Variants in KCNN3 observed in about 807,000 individuals in gnomAD.
KCNN3 encodes small conductance calcium-activated potassium channel protein 3.
In KCNN3, 16 loss-of-function variants were observed where a neutral mutation model predicts 62.9. That is an observed-to-expected ratio of 0.25 (90% CI 0.17 to 0.39). The LOEUF is 0.39. Among genes scored for constraint, KCNN3 ranks in the 10% least tolerant of loss-of-function variants. The probability of loss-of-function intolerance (pLI) is 1.00; values close to 1 mark genes in which losing one functional copy is unlikely to be tolerated. For synonymous variants in KCNN3, 370 were observed against 389.2 expected (o/e 0.95, Z 0.58); for missense variants, 599 against 949.4 (o/e 0.63, Z 4.85).
chr1:154,741,710 T>TTTA (rs1700824927), intron 3 of KCNN3, among the ~76,000 whole-genome samples: 1 of 145,542 alleles, frequency 6.9e-6, no homozygotes, highest in South Asian at 2.2e-4. Flanking sequence ...ACTAGTTTTG[T>TTTA]AAAAAAAAAA....
At chr1:154,861,777 T>G (rs919408952) in intron 1 of KCNN3, among the ~76,000 whole-genome samples, 3 of 152,222 alleles carry the variant, frequency 2.0e-5, no homozygotes, top group Admixed American at 2.0e-4. Context: ...GGACTGTGGC[T>G]GCTCATCCTC....
chr1:154,753,845 A>G (rs1647505092), intron 3 of KCNN3, among the ~76,000 whole-genome samples: 1 of 152,194 alleles, frequency 6.6e-6, no homozygotes. Flanking sequence ...CCCAAGAAAG[A>G]GGCCCAGGAA....
At chr1:154,720,853 G>T (rs997043189) in intron 5 of KCNN3, among the ~76,000 whole-genome samples, 4 of 152,154 alleles carry the variant, frequency 2.6e-5, no homozygotes, top group Admixed American at 6.5e-5. Flanking sequence ...AGAGTGGCGG[G>T]GCCGAGGCCC....
In KCNN3 at chr1:154,745,872, T is replaced by C. The variant is rs527239918; in HGVS notation, c.1449-12728A>G. Among the ~76,000 whole-genome samples, 4 of 152,280 alleles carry C rather than the reference T, an allele frequency of 2.6e-5. No individual in the cohort carries two copies. In the South Asian group the frequency reaches 8.3e-4, roughly 32 times the overall value. On this transcript the variant is annotated intron_variant, in intron 3 of 7. Coordinates refer to ENST00000271915, the MANE Select transcript of KCNN3 (RefSeq NM_002249.6). ...ATGCTTGGAAGAAGCACTGTTCCCA[T>C]GGGAAGCATGTCTTCCACGGTATCT... is the stretch of plus-strand genomic sequence containing the variant.
At chr1:154,724,779 A>C (rs1700425331) in intron 5 of KCNN3, among the ~76,000 whole-genome samples, 1 of 152,230 alleles carries the variant, frequency 6.6e-6, no homozygotes, top group South Asian at 2.1e-4. Context: ...CATTACCCGG[A>C]AAACCCAAAA....
intron 2 of KCNN3, among the ~76,000 whole-genome samples, chr1:154,807,171 G>A (rs1281202868): frequency 6.6e-6 from 1 of 152,136 alleles, no homozygotes; most frequent in Non-Finnish European, 1.5e-5. Context: ...ACTGAGGCAA[G>A]CAGGAAAGGA....
intron 1 of KCNN3, among the ~76,000 whole-genome samples, chr1:154,866,875 C>A (rs943842424): frequency 6.6e-6 from 1 of 152,182 alleles, no homozygotes; most frequent in Non-Finnish European, 1.5e-5. Flanking sequence ...AGCCCCTTTC[C>A]CTGAGCTCCC....
rs746772658 is a variant in KCNN3 at position 154,869,854 on chromosome 1, TTGCTGCTGC to T, written c.102_110del (p.Gln39_Gln41del). On this transcript the variant is annotated inframe_deletion, in exon 1 of 8. Transcript: ENST00000271915. The surrounding 1 kb of genome is among the most constrained non-coding windows in gnomAD (Gnocchi z 6.1). Reference sequence around the variant, plus strand: ...CTGGCGGTGGTGGCTGCTGCTGCTGTTGCTGCTGCTGCTGCTGCTGCTGCTCATCCCCAG... The same window carrying T: ...CTGGCGGTGGTGGCTGCTGCTGCTGTTGCTGCTGCTGCTGCTCATCCCCAG... 6.6e-3 allele frequency: 10,432 copies of T among 1,583,734 alleles called. 396 individuals carry two copies. The Admixed American group carries it at 0.1, about 16-fold the overall frequency.
chr1:154,789,689 C>T (rs1338818932), intron 2 of KCNN3, among the ~76,000 whole-genome samples: 2 of 152,154 alleles, frequency 1.3e-5, no homozygotes, highest in Non-Finnish European at 2.9e-5. Flanking sequence ...TCAGGACAGG[C>T]AGGGCCTTGG....
intron 3 of KCNN3, among the ~76,000 whole-genome samples, chr1:154,756,833 C>T (rs962868060): frequency 2.0e-5 from 3 of 152,134 alleles, no homozygotes; most frequent in African/African-American, 4.8e-5. Context: ...AGACTGTAAG[C>T]CCATGAGGGA....
rs367827823 is a variant in KCNN3, at chr1:154,763,270, C to T, written c.1448+8705G>A. Reference sequence around the variant, plus strand: ...ATTATGTTTTTCTGGTTTTTAAATTCATTAATTCCTATCTTTGCCTTTGTT... The same window carrying T: ...ATTATGTTTTTCTGGTTTTTAAATTTATTAATTCCTATCTTTGCCTTTGTT... On this transcript the variant is annotated intron_variant, in intron 3 of 7. Coordinates refer to ENST00000271915, the MANE Select transcript of KCNN3 (RefSeq NM_002249.6). Among the ~76,000 whole-genome samples the T allele has an allele frequency of 2.3e-3, 354 of 152,144 alleles. 1 individual carries two copies. The highest frequency in any genetic ancestry group is 3.7e-3 in the Non-Finnish European group (249 of 67,986).
chr1:154,828,485 G>C (rs1013780601), intron 1 of KCNN3, among the ~76,000 whole-genome samples: 7 of 151,992 alleles, frequency 4.6e-5, no homozygotes, highest in Admixed American at 2.0e-4. Context: ...TTTAGTCATG[G>C]GGGGGCTAAC....
intron 2 of KCNN3, among the ~76,000 whole-genome samples, chr1:154,803,720 C>T (rs911688694): frequency 6.6e-6 from 1 of 152,226 alleles, no homozygotes; most frequent in Non-Finnish European, 1.5e-5. Flanking sequence ...GCTGTTCCCA[C>T]AGCTGACGGA....
At chr1:154,801,870 C>T (rs1649968430) in intron 2 of KCNN3, among the ~76,000 whole-genome samples, 1 of 152,148 alleles carries the variant, frequency 6.6e-6, no homozygotes. Context: ...CAAGTCGGGG[C>T]GCGCCAGGAA....
intron 2 of KCNN3, among the ~76,000 whole-genome samples, chr1:154,794,101 C>T (rs1485766082): frequency 2.0e-5 from 3 of 152,202 alleles, no homozygotes; most frequent in East Asian, 1.9e-4. Flanking sequence ...ACAATCTTTC[C>T]GAATGCTGTT....
At chr1:154,771,115 A>C (rs1249029526) in intron 3 of KCNN3, among the ~76,000 whole-genome samples, 1 of 151,656 alleles carries the variant, frequency 6.6e-6, no homozygotes, top group Non-Finnish European at 1.5e-5. Context: ...AAATAAAATG[A>C]AAATCCAGGA....
intron 1 of KCNN3, among the ~76,000 whole-genome samples, chr1:154,849,056 G>A (rs1475460008): frequency 6.6e-6 from 1 of 152,168 alleles, no homozygotes; most frequent in African/African-American, 2.4e-5. Flanking sequence ...CTGGTCCTGA[G>A]CTCAGAACAA....
At position 154,869,091 on chromosome 1, in the gene KCNN3, T is replaced by C. The variant is rs750020974; in HGVS notation, c.874A>G (p.Met292Val). ...RLSDYALIFG[M>V]FGIVVMVIET... ...ATCACCATAACAACAATTCCAAACA[T>C]CCCAAAAATCAGAGCATAGTCACTC... is the stretch of plus-strand genomic sequence containing the variant. Residue 292 changes from methionine to valine, a missense_variant, in exon 1 of 8, where the codon ATG (methionine) becomes GTG (valine). Met to Val is a conservative substitution (Grantham distance 21, BLOSUM62 1). Around this residue, in one of 7 missense-constraint regions of KCNN3, gnomAD observed 288 missense variants for 557.4 expected, o/e 0.52. Transcript: ENST00000271915. The surrounding 1 kb of genome is among the most constrained non-coding windows in gnomAD (Gnocchi z 6.1). 2 of 1,614,004 alleles carry C rather than the reference T, an allele frequency of 1.2e-6. No individual in the cohort carries two copies. The highest frequency in any genetic ancestry group is 2.2e-5 in the South Asian group (2 of 91,076).
chr1:154,717,695 C>T (rs1353744561), intron 5 of KCNN3, among the ~76,000 whole-genome samples: 1 of 152,158 alleles, frequency 6.6e-6, no homozygotes, highest in Non-Finnish European at 1.5e-5. Context: ...GTCACATCAT[C>T]TTTATGAGTT....
Sources: gnomAD v4.1 joint callset for allele counts (sites outside exome capture counted in the v4.1 genomes callset) on GRCh38, gnomAD v4.1.1 for gene constraint, gnomAD v4.1.1 regional missense constraint, Gnocchi (gnomAD v3.1) non-coding constraint, MANE v1.5 for transcripts, NCBI Gene and HGNC (gene_info 2026-07-23, HGNC 2026-07-21) for gene names.